Variants in PPFIA4 observed in about 807,000 individuals in gnomAD.
PPFIA4 encodes the protein liprin-alpha-4.
Under a neutral mutation model 145.7 loss-of-function variants are expected in PPFIA4, and 98 were observed. The observed-to-expected ratio is 0.67, with a 90% CI of 0.57 to 0.80. PPFIA4 has a LOEUF of 0.80. PPFIA4 is among the 30% of genes least tolerant of loss of function. The pLI is 0.00. For synonymous variants in PPFIA4, 628 were observed against 649.6 expected, an observed-to-expected ratio of 0.97 and a Z score of 0.51; for missense variants, 1,457 against 1,632.7, an observed-to-expected ratio of 0.89 and a Z score of 1.85.
In PPFIA4 at chr1:203,075,580, G is replaced by A. The variant is rs1485050800; in HGVS notation, c.3397G>A (p.Asp1133Asn). 3.4e-6 allele frequency: 5 copies of A among 1,457,404 alleles called. No homozygotes were observed. In the South Asian group the frequency reaches 4.3e-5, roughly 12 times the overall value. 90.3% of individuals were successfully genotyped at this position (1,457,404 alleles called of 1,614,324 possible). ...TCTGGTGTCCCCCATGGTGCAGGGG[G>A]ATGACAAGGTGTTTCGCCGCGCGCC... Reference protein sequence around the residue: ...LGTDRKLDDGDDKVFRRAPSW... With the variant: ...LGTDRKLDDGNDKVFRRAPSW... Residue 1133 changes from aspartate (D) to asparagine (N), a missense_variant, in exon 29 of 30, where the codon GAT (aspartate) becomes AAT (asparagine). Physicochemically the swap from Asp to Asn is conservative, Grantham distance 23. Around this residue, in one of 3 missense-constraint regions of PPFIA4, gnomAD observed 146 missense variants for 126.2 expected, o/e 1.16. Transcript: ENST00000295706. The surrounding 1 kb of genome is among the most constrained non-coding windows in gnomAD (Gnocchi z 4.1).
chr1:203,049,726 G>A lies in PPFIA4; in HGVS notation c.1470G>A (p.Leu490=). 1 of 1,590,798 alleles carries A rather than the reference G, an allele frequency of 6.3e-7. No individual in the cohort carries two copies. Among genetic ancestry groups the A allele is most frequent in the South Asian group, 1.1e-5 (1 of 87,336 alleles). The part of the protein sequence containing the change: ...IEKLRQEVDQ[L]KGRGGPFVDG... The stretch of plus-strand genomic sequence containing the variant: ...AGCTGCGCCAAGAGGTGGACCAGCT[G>A]AAGGGCCGAGGGGGGCCGTTTGTGG... Residue 490 remains leucine (L), a synonymous_variant, in exon 13 of 30, where the codon CTG becomes CTA. Coordinates refer to ENST00000295706, the MANE Select transcript of PPFIA4 (RefSeq NM_001304331.2).
Position 203,043,893 on chromosome 1 carries a change from C to T in PPFIA4, c.337-38C>T, listed in dbSNP as rs1327529556. On this transcript the variant is annotated intron_variant, in intron 3 of 29. Transcript: ENST00000295706. The surrounding 1 kb of genome is among the most constrained non-coding windows in gnomAD (Gnocchi z 4.4). ...TTGTAGCCCCTGGGGCACATGCTTA[C>T]AGCCCTCCCTCTCACCCTCCCCTGC... 1.3e-6 allele frequency: 2 copies of T among 1,554,010 alleles called. No individual in the cohort carries two copies. The highest frequency in any genetic ancestry group is 2.7e-5 in the African/African-American group (2 of 73,524).
intron 25 of PPFIA4, chr1:203,067,437 G>T (rs994295372): frequency 1.1e-5 from 5 of 443,736 alleles, no homozygotes; most frequent in Non-Finnish European, 2.0e-5. Flanking sequence ...TTCATTCAAA[G>T]AACTTTTTTT....
In PPFIA4 at chr1:203,078,138, G is replaced by A. The variant is rs977214254; in HGVS notation, c.*1748G>A. ...TTAGGCTTGGGCAAGGCAGCCACCT[G>A]CCCTTGCTCTCCCTTAGTGTTCCCT... On this transcript the variant is annotated 3_prime_UTR_variant, in exon 30 of 30. Transcript: ENST00000295706. 6.6e-6 allele frequency: 1 copy of A among 152,302 alleles called. No individual in the cohort carries two copies. Among genetic ancestry groups the A allele is most frequent in the African/African-American group, 2.4e-5 (1 of 41,470 alleles). The allele number at this position is 152,302 out of a possible 1,614,324, so 9.4% of individuals were successfully genotyped here.
At chr1:203,061,746 T>C (rs531497459) in intron 24 of PPFIA4, 68 bp downstream of exon 24, 2 of 1,474,028 alleles carry the variant, frequency 1.4e-6, no homozygotes, top group East Asian at 5.2e-5. Flanking sequence ...TGGTAGGTTC[T>C]CTCCGCAGCA....
rs115347102 is a variant in PPFIA4 at position 203,062,077 on chromosome 1, C to T, written c.2874+399C>T. Among the ~76,000 whole-genome samples, 233 of 152,212 alleles carry T rather than the reference C, an allele frequency of 1.5e-3. 1 individual carries two copies. The highest frequency in any genetic ancestry group is 5.3e-3 in the African/African-American group (221 of 41,534). ...TTATTGAGCAAATATAAGGATTAGGCCTTTCCTGGCTCTCTGGATATAGAA... is the reference window on the plus strand; with the variant it reads ...TTATTGAGCAAATATAAGGATTAGGTCTTTCCTGGCTCTCTGGATATAGAA... On this transcript the variant is annotated intron_variant, in intron 24 of 29. Coordinates refer to ENST00000295706, the MANE Select transcript of PPFIA4 (RefSeq NM_001304331.2).
intron 17 of PPFIA4, 37 bp from the exon 18 acceptor site, chr1:203,056,338 C>G (rs1197006403): frequency 3.1e-6 from 5 of 1,609,486 alleles, no homozygotes; most frequent in Non-Finnish European, 4.2e-6. Context: ...CCCGAGATCT[C>G]TCCCTCTATC....
chr1:203,048,313 G>A lies in PPFIA4; in HGVS notation c.1224+3G>A, dbSNP rs1164015216. ...AGAAGAACCAGGAGCTGGCACGGGT[G>A]AGGGCACCAGGCCGGGCCCTCAGGC... On this transcript the variant is annotated splice_donor_region_variant and intron_variant, in intron 10 of 29. Coordinates refer to ENST00000295706, the MANE Select transcript of PPFIA4 (RefSeq NM_001304331.2). This position sits in a 1 kb window ranked among gnomAD's most constrained non-coding sequence, Gnocchi z 5.8. 6.8e-6 allele frequency: 11 copies of A among 1,611,978 alleles called. No individual in the cohort carries two copies. The South Asian group carries it at 9.9e-5, about 15-fold the overall frequency.
In PPFIA4 at chr1:203,056,459, C is replaced by T. The variant is rs549873910; in HGVS notation, c.2191C>T (p.Arg731Trp). ...TSPPSSPRTLRLEKLGHPALS... is the reference protein window; with the variant it reads ...TSPPSSPRTLWLEKLGHPALS... ...TCCTCCTTCCTCACCCAGGACGCTG[C>T]GGCTAGAGAAGCTTGGCCACCCAGC... Residue 731 changes from arginine (R) to tryptophan (W), a missense_variant, in exon 18 of 30, where the codon CGG becomes TGG. Transcript: ENST00000295706. The T allele has an allele frequency of 6.8e-6, 11 of 1,613,978 alleles. No individual in the cohort carries two copies. The highest frequency in any genetic ancestry group is 2.2e-5 in the East Asian group (1 of 44,882).
In PPFIA4 at chr1:203,060,947, C is replaced by T. The variant is rs771305414; in HGVS notation, c.2785-23C>T. On this transcript the variant is annotated intron_variant, in intron 22 of 29. Coordinates refer to ENST00000295706, the MANE Select transcript of PPFIA4 (RefSeq NM_001304331.2). This position sits in a 1 kb window ranked among gnomAD's most constrained non-coding sequence, Gnocchi z 4.8. ...CCTGGGGACCCACACCCAGGACCAG[C>T]TAGGTTTCCTCTCTGCCTGCAGTCT... The T allele has an allele frequency of 1.2e-6, 2 of 1,613,216 alleles. No homozygotes were observed. Among genetic ancestry groups the T allele is most frequent in the Non-Finnish European group, 1.7e-6 (2 of 1,179,378 alleles).
rs777429466 is a variant in PPFIA4 at position 203,049,777 on chromosome 1, C to G, written c.1511+10C>G. ...ATGGCGTCCACTCCAGGTACTGCAGCGCCAGAGGCTGGGCATGCCAGGACG... is the reference window on the plus strand; with the variant it reads ...ATGGCGTCCACTCCAGGTACTGCAGGGCCAGAGGCTGGGCATGCCAGGACG... On this transcript the variant is annotated intron_variant, in intron 13 of 29. Coordinates refer to ENST00000295706, the MANE Select transcript of PPFIA4 (RefSeq NM_001304331.2). 6.5e-7 allele frequency: 1 copy of G among 1,544,546 alleles called. No individual in the cohort carries two copies. The highest frequency in any genetic ancestry group is 1.4e-5 in the African/African-American group (1 of 72,804).
chr1:203,048,878 G>A lies in PPFIA4; in HGVS notation c.1357-40G>A. 2 of 1,545,506 alleles carry A rather than the reference G, an allele frequency of 1.3e-6. No homozygotes were observed. The highest frequency in any genetic ancestry group is 1.7e-6 in the Non-Finnish European group (2 of 1,144,824). ...CCAGAGGCTCAGGTCTGGAATGGGA[G>A]AGGAAGGCAGGGGCCTGGCTCACAG... is the stretch of plus-strand genomic sequence containing the variant. On this transcript the variant is annotated intron_variant, in intron 11 of 29. Coordinates refer to ENST00000295706, the MANE Select transcript of PPFIA4 (RefSeq NM_001304331.2). This position sits in a 1 kb window ranked among gnomAD's most constrained non-coding sequence, Gnocchi z 5.8.
intron 1 of PPFIA4, among the ~76,000 whole-genome samples, chr1:203,031,617 T>A (rs1280842921): frequency 1.3e-5 from 2 of 152,262 alleles, no homozygotes; most frequent in Non-Finnish European, 2.9e-5. Flanking sequence ...TCCTCTGCGA[T>A]GGCTCCCTAA....
chr1:203,049,494 A>G (rs1333600213), intron 12 of PPFIA4, among the ~76,000 whole-genome samples, 182 bp from the exon 13 acceptor site: 2 of 151,488 alleles, frequency 1.3e-5, no homozygotes, highest in Non-Finnish European at 2.9e-5. Flanking sequence ...CTCTGGTTGG[A>G]CCTCTTCTCT....
At chr1:203,045,791 G>A in intron 7 of PPFIA4, 50 bp from the exon 8 acceptor site, 7 of 1,611,590 alleles carry the variant, frequency 4.3e-6, no homozygotes, top group Non-Finnish European at 5.9e-6. Context: ...TAGACAGGAT[G>A]GGGGCAAGGA....
In PPFIA4 at chr1:203,048,860, C is replaced by G; in HGVS notation, c.1357-58C>G. 2 of 1,539,196 alleles carry G rather than the reference C, an allele frequency of 1.3e-6. No homozygotes were observed. Among genetic ancestry groups the G allele is most frequent in the South Asian group, 2.4e-5 (2 of 83,100 alleles). On this transcript the variant is annotated intron_variant, in intron 11 of 29. Transcript: ENST00000295706. This position sits in a 1 kb window ranked among gnomAD's most constrained non-coding sequence, Gnocchi z 5.8. ...GGGGCTGAGACTGCACACCCAGAGG[C>G]TCAGGTCTGGAATGGGAGAGGAAGG...
At chr1:203,034,414 A>G (rs1025814727) in intron 1 of PPFIA4, 4 of 454,456 alleles carry the variant, frequency 8.8e-6, no homozygotes, top group African/African-American at 6.0e-5. Context: ...AAAGCTAGAC[A>G]GGGAAGAAGG....
chr1:203,027,356 G>A (rs989696916), intron 1 of PPFIA4, among the ~76,000 whole-genome samples: 1 of 152,240 alleles, frequency 6.6e-6, no homozygotes, highest in Admixed American at 6.5e-5. Context: ...TTGATGGTGG[G>A]TGGGAAGAGA....
At chr1:203,035,000 G>A (rs1229459045) in intron 1 of PPFIA4, among the ~76,000 whole-genome samples, 1 of 152,184 alleles carries the variant, frequency 6.6e-6, no homozygotes, top group African/African-American at 2.4e-5. Flanking sequence ...TAATTATGAG[G>A]ATTAAAATAA....
Sources: allele counts gnomAD v4.1 joint callset (sites outside exome capture counted in the v4.1 genomes callset), GRCh38; gene constraint gnomAD v4.1.1; regional missense constraint gnomAD v4.1.1; non-coding constraint Gnocchi (gnomAD v3.1); transcripts MANE v1.5; gene names NCBI Gene and HGNC (gene_info 2026-07-23, HGNC 2026-07-21).